The following SYT1 variants were observed in gnomAD, a reference collection of about 807,000 sequenced individuals.
SYT1 encodes the protein synaptotagmin 1.
A neutral mutation model predicts 44.8 loss-of-function variants in SYT1; 8 were observed. That is an observed-to-expected ratio of 0.18 (90% CI 0.10 to 0.32). SYT1 has a LOEUF of 0.32. Among genes scored for constraint, SYT1 ranks in the 10% least tolerant of loss-of-function variants. The pLI, the probability that SYT1 is intolerant of heterozygous loss-of-function variation, is 1.00. For missense variants in SYT1, 286 were observed against 509.3 expected (o/e 0.56, Z 4.22); for synonymous variants, 154 against 188.8 (o/e 0.82, Z 1.51).
chr12:79,442,819 A>C (rs1408845284), intron 9 of SYT1, among the ~76,000 whole-genome samples: 2 of 152,170 alleles, frequency 1.3e-5, no homozygotes, highest in Non-Finnish European at 2.9e-5. Context: ...CTAGCTCTAC[A>C]TGTTCCGAGA....
intron 3 of SYT1, among the ~76,000 whole-genome samples, chr12:79,126,148 G>A (rs1868423465): frequency 6.6e-6 from 1 of 152,240 alleles, no homozygotes; most frequent in Non-Finnish European, 1.5e-5. Context: ...TTAGGTATCA[G>A]AAACTGATAA....
intron 8 of SYT1, among the ~76,000 whole-genome samples, chr12:79,320,648 CTTT>C (rs746685561): frequency 1.6e-5 from 2 of 128,752 alleles, no homozygotes; most frequent in Non-Finnish European, 3.3e-5. Flanking sequence ...TCTTTTTCCC[CTTT>C]TTTTTTTTTT....
intron 7 of SYT1, among the ~76,000 whole-genome samples, chr12:79,296,984 G>A (rs903015530): frequency 6.6e-6 from 1 of 152,110 alleles, no homozygotes; most frequent in East Asian, 1.9e-4. Flanking sequence ...AGAACAATAT[G>A]TTTCTGAAAA....
At chr12:79,160,474 A>G (rs941371545) in intron 3 of SYT1, among the ~76,000 whole-genome samples, 2 of 152,188 alleles carry the variant, frequency 1.3e-5, no homozygotes, top group Non-Finnish European at 2.9e-5. Context: ...GGAAAGCATT[A>G]GAAATAAATG....
At chr12:78,980,617 G>T (rs1869178825) in intron 2 of SYT1, among the ~76,000 whole-genome samples, 1 of 152,072 alleles carries the variant, frequency 6.6e-6, no homozygotes, top group African/African-American at 2.4e-5. Flanking sequence ...TATAAAGAAT[G>T]CTATAAATGC....
At chr12:79,181,655 G>A (rs1285901332) in intron 3 of SYT1, among the ~76,000 whole-genome samples, 1 of 152,032 alleles carries the variant, frequency 6.6e-6, no homozygotes, top group Non-Finnish European at 1.5e-5. Context: ...ACCAGGTCAT[G>A]TGACTGGAAC....
At chr12:78,975,080 A>C (rs987300618) in intron 1 of SYT1, among the ~76,000 whole-genome samples, 3 of 151,664 alleles carry the variant, frequency 2.0e-5, no homozygotes, top group Admixed American at 6.6e-5. Flanking sequence ...TATTGTTCCC[A>C]CGTTGCGCCC....
At chr12:79,300,824 T>TATATATATATATATATATATATATATATA (rs1565897853) in intron 8 of SYT1, among the ~76,000 whole-genome samples, 1 of 138,614 alleles carries the variant, frequency 7.2e-6, no homozygotes, top group Non-Finnish European at 1.5e-5. Flanking sequence ...TATATATATA[T>TATATATATATATATATATATATATATATA]TTACTGTCTC....
At chr12:79,216,598 GTTAA>G (rs1222332642) in intron 3 of SYT1, among the ~76,000 whole-genome samples, 1 of 152,124 alleles carries the variant, frequency 6.6e-6, no homozygotes. Context: ...CAAATGCCCT[GTTAA>G]AGTTTATTTA....
intron 1 of SYT1, among the ~76,000 whole-genome samples, chr12:78,913,529 G>C (rs1255131612): frequency 1.3e-5 from 2 of 151,650 alleles, no homozygotes; most frequent in African/African-American, 4.8e-5. Context: ...TTCTCCAATT[G>C]TTTAACTGAA....
At chr12:79,421,957 C>T (rs950309831) in intron 9 of SYT1, among the ~76,000 whole-genome samples, 4 of 151,970 alleles carry the variant, frequency 2.6e-5, no homozygotes, top group African/African-American at 9.7e-5. Flanking sequence ...TTTATTGAAA[C>T]TTCTCCTTCA....
At chr12:78,925,664 T>C (rs1877263775) in intron 1 of SYT1, among the ~76,000 whole-genome samples, 1 of 151,914 alleles carries the variant, frequency 6.6e-6, no homozygotes, top group Admixed American at 6.6e-5. Context: ...GAGTAAATAA[T>C]ATTATAAATG....
At chr12:79,420,700 A>G (rs1368836633) in intron 9 of SYT1, among the ~76,000 whole-genome samples, 1 of 152,144 alleles carries the variant, frequency 6.6e-6, no homozygotes, top group Non-Finnish European at 1.5e-5. Context: ...CCACCATTCT[A>G]AAGCAGTGGT....
chr12:78,948,880 C>A (rs1207102859), intron 1 of SYT1, among the ~76,000 whole-genome samples: 1 of 151,518 alleles, frequency 6.6e-6, no homozygotes, highest in Non-Finnish European at 1.5e-5. Flanking sequence ...TCCAGTTCTG[C>A]TGTCTCAAAT....
intron 9 of SYT1, among the ~76,000 whole-genome samples, chr12:79,360,536 A>G (rs1359836023): frequency 6.6e-6 from 1 of 152,230 alleles, no homozygotes; most frequent in African/African-American, 2.4e-5. Context: ...AGCCGGGCCA[A>G]TAAATAAAAT....
chr12:78,915,520 C>A (rs1381092112), intron 1 of SYT1, among the ~76,000 whole-genome samples: 1 of 151,972 alleles, frequency 6.6e-6, no homozygotes, highest in Non-Finnish European at 1.5e-5. Context: ...GTCCAAATTT[C>A]AAAATGATAA....
At chr12:78,933,735 A>G (rs964737138) in intron 1 of SYT1, among the ~76,000 whole-genome samples, 1 of 152,194 alleles carries the variant, frequency 6.6e-6, no homozygotes. Flanking sequence ...ATAAACTTCC[A>G]TCACAGATAT....
intron 2 of SYT1, among the ~76,000 whole-genome samples, chr12:79,039,625 T>A (rs925492798): frequency 4.0e-5 from 6 of 151,540 alleles, no homozygotes; most frequent in South Asian, 2.1e-4. Context: ...TTTATTTTTT[T>A]ATTTTTTTTA....
In SYT1 at chr12:79,133,466, G is replaced by A. The variant is rs570130922; in HGVS notation, c.-17-84037G>A. ...AGGTAATGGATATCCTAAATACCCT[G>A]TTTGGATAATTATACCTTGTATGCA... On this transcript the variant is annotated intron_variant, in intron 3 of 10. Transcript: ENST00000261205. Among the ~76,000 whole-genome samples the A allele has an allele frequency of 3.3e-5, 5 of 152,220 alleles. No individual in the cohort carries two copies. In the South Asian group the frequency reaches 1.0e-3, roughly 32 times the overall value.
Sources: gnomAD v4.1 joint callset for allele counts (sites outside exome capture counted in the v4.1 genomes callset) on GRCh38, gnomAD v4.1.1 for gene constraint, MANE v1.5 for transcripts, NCBI Gene and HGNC (gene_info 2026-07-23, HGNC 2026-07-21) for gene names.